The following MYT1 variants were observed in gnomAD, a reference collection of about 807,000 sequenced individuals.
The protein encoded by MYT1 is myelin transcription factor 1.
MYT1 carries 23 observed loss-of-function variants against 123.0 expected under a neutral mutation model. That is an observed-to-expected ratio of 0.19 (90% CI 0.13 to 0.26). The LOEUF (loss-of-function observed/expected upper bound fraction) is 0.26, where lower values mean the gene tolerates loss of function less well. MYT1 is among the 10% of genes least tolerant of loss of function. The pLI, the probability that MYT1 is intolerant of heterozygous loss-of-function variation, is 1.00. For synonymous variants in MYT1, 518 were observed against 575.3 expected (o/e 0.90, Z 1.43); for missense variants, 1,125 against 1,472.5 (o/e 0.76, Z 3.86).
In MYT1 at chr20:64,217,254, A is replaced by T. The variant is rs1983865344; in HGVS notation, c.1819A>T (p.Ser607Cys). The change falls in exon 11 of 23, where the codon AGC (serine) becomes TGC (cysteine). Residue 607 changes from serine to cysteine, a missense_variant. Physicochemically the swap from Ser to Cys is moderately radical, Grantham distance 112 (BLOSUM62 -1). Around this residue, in one of 4 missense-constraint regions of MYT1, gnomAD observed 429 missense variants for 604.1 expected, o/e 0.71. Coordinates refer to ENST00000328439, the MANE Select transcript of MYT1 (RefSeq NM_004535.3). ...CATGCTTGCCCCAAAGATTCAGACCAGCGAAACCTCACCTAAAGCCTTTCA... is the reference window on the plus strand; with the variant it reads ...CATGCTTGCCCCAAAGATTCAGACCTGCGAAACCTCACCTAAAGCCTTTCA... Reference protein sequence around the residue: ...KRMLAPKIQTSETSPKAFQCF... With the variant: ...KRMLAPKIQTCETSPKAFQCF... The T allele has an allele frequency of 6.2e-7, 1 of 1,614,166 alleles. No individual in the cohort carries two copies. The highest frequency in any genetic ancestry group is 1.7e-5 in the Admixed American group (1 of 60,014).
chr20:64,179,311 A>G (rs1405542904), intron 1 of MYT1, among the ~76,000 whole-genome samples: 1 of 152,288 alleles, frequency 6.6e-6, no homozygotes, highest in Non-Finnish European at 1.5e-5. Flanking sequence ...CCCGTGATGC[A>G]GGAACACCTG....
At chr20:64,177,285 CCCTT>C (rs1035892255) in intron 1 of MYT1, among the ~76,000 whole-genome samples, 6 of 152,130 alleles carry the variant, frequency 3.9e-5, no homozygotes, top group African/African-American at 1.4e-4. Flanking sequence ...CCCCACCTCT[CCCTT>C]CTCTCATTTT....
rs763566678 is a variant in MYT1 at position 64,223,117 on chromosome 20, C to T, written c.2403C>T (p.Pro801=). Residue 801 remains proline (P), a synonymous_variant, in exon 15 of 23, where the codon CCC becomes CCT. Coordinates refer to ENST00000328439, the MANE Select transcript of MYT1 (RefSeq NM_004535.3). ...CTCTTTTTCCTTTGTCCAGCTGTCC[C>T]ACCCCTGGCTGTGACGGCAGCGGCC... The part of the protein sequence containing the change: ...KDIKKELLTC[P]TPGCDGSGHI... 2 of 1,614,190 alleles carry T rather than the reference C, an allele frequency of 1.2e-6. No individual in the cohort carries two copies. Among genetic ancestry groups the T allele is most frequent in the Non-Finnish European group, 1.7e-6 (2 of 1,180,034 alleles).
rs1414780457 is a variant in MYT1 at position 64,196,567 on chromosome 20, G to A, written c.1-2295G>A. On this transcript the variant is annotated intron_variant, in intron 2 of 22. Coordinates refer to ENST00000328439, the MANE Select transcript of MYT1 (RefSeq NM_004535.3). The surrounding 1 kb of genome is among the most constrained non-coding windows in gnomAD (Gnocchi z 4.3). ...TACGGGTTCATTCTCGTATTAAAGA[G>A]CCTGGTTTATTTTTTCTTCGGTAGT... Among the ~76,000 whole-genome samples, 1 of 152,220 alleles carries A rather than the reference G, an allele frequency of 6.6e-6. No individual in the cohort carries two copies. Among genetic ancestry groups the A allele is most frequent in the Non-Finnish European group, 1.5e-5 (1 of 68,040 alleles).
Position 64,201,934 on chromosome 20 carries a change from C to T in MYT1, c.86+2012C>T, listed in dbSNP as rs913458916. 3.1e-3 allele frequency among the ~76,000 whole-genome samples: 430 copies of T among 137,050 alleles called. 9 individuals carry two copies. Among genetic ancestry groups the T allele is most frequent in the African/African-American group, 0.011 (401 of 36,090 alleles). 89.9% of individuals were successfully genotyped at this position (137,050 alleles called of 152,430 possible). On this transcript the variant is annotated intron_variant, in intron 4 of 22. Coordinates refer to ENST00000328439, the MANE Select transcript of MYT1 (RefSeq NM_004535.3). ...AACCCCCGCGTGTCGGGAACCCCCG[C>T]GTGTCGGGAACCTCTGCGTGTCGGG... is the stretch of plus-strand genomic sequence containing the variant.
At chr20:64,222,992 C>T in intron 14 of MYT1, 119 bp from the exon 15 acceptor site, 1 of 1,083,702 alleles carries the variant, frequency 9.2e-7, no homozygotes, top group Non-Finnish European at 1.4e-6. Flanking sequence ...GGAGGAGGGG[C>T]CACCGCTTGG....
intron 1 of MYT1, among the ~76,000 whole-genome samples, chr20:64,169,865 A>G (rs1309572671): frequency 6.6e-6 from 1 of 152,196 alleles, no homozygotes; most frequent in East Asian, 1.9e-4. Context: ...CGTGTTCTGT[A>G]CTGGACACTG....
rs1488017547 is a variant in MYT1 at position 64,201,967 on chromosome 20, G to GTGTGT, written c.86+2045_86+2046insTGTGT. ...GAACCTCTGCGTGTCGGGAACCCCC[G>GTGTGT]CGTGTCGGGAACCCCCGCGTGTCGG... On this transcript the variant is annotated intron_variant, in intron 4 of 22. Transcript: ENST00000328439. Among the ~76,000 whole-genome samples the GTGTGT allele has an allele frequency of 6.0e-4, 89 of 148,374 alleles. 1 individual carries two copies. Among genetic ancestry groups the GTGTGT allele is most frequent in the African/African-American group, 2.2e-3 (86 of 39,910 alleles).
chr20:64,237,256 A>G (rs766670557), intron 20 of MYT1, 31 bp from the exon 21 acceptor site: 19 of 1,593,200 alleles, frequency 1.2e-5, no homozygotes, highest in Middle Eastern at 1.7e-4. Flanking sequence ...CTGAGGCCCA[A>G]AGCCACAACT....
At chr20:64,195,333 C>T (rs1166496919) in intron 2 of MYT1, among the ~76,000 whole-genome samples, 12 of 142,828 alleles carry the variant, frequency 8.4e-5, no homozygotes, top group African/African-American at 2.1e-4. Context: ...GGCTGGTCTT[C>T]GTACCATGTC....
At chr20:64,227,866 T>C (rs1219103428) in intron 17 of MYT1, 22 bp from the exon 18 acceptor site, 3 of 1,597,558 alleles carry the variant, frequency 1.9e-6, no homozygotes, top group Non-Finnish European at 2.6e-6. Flanking sequence ...TAAGGTGGCC[T>C]TTTTTCCTCT....
intron 1 of MYT1, among the ~76,000 whole-genome samples, chr20:64,171,373 C>A (rs1328731564): frequency 6.6e-6 from 1 of 152,210 alleles, no homozygotes; most frequent in African/African-American, 2.4e-5. Context: ...GGGAAGCAAT[C>A]CCTAGAAGGC....
intron 20 of MYT1, among the ~76,000 whole-genome samples, 156 bp from the exon 21 acceptor site, chr20:64,237,131 G>A (rs1471289543): frequency 6.6e-6 from 1 of 152,190 alleles, no homozygotes; most frequent in Non-Finnish European, 1.5e-5. Context: ...CATAATGTGG[G>A]GTATGAGCCC....
intron 3 of MYT1, among the ~76,000 whole-genome samples, chr20:64,199,460 C>A (rs1272017430): frequency 6.6e-6 from 1 of 152,224 alleles, no homozygotes; most frequent in East Asian, 1.9e-4. Flanking sequence ...GCAGCCATCA[C>A]TGAAGGACCA....
chr20:64,231,362 G>A lies in MYT1; in HGVS notation c.2676-802G>A, dbSNP rs1294152358. Reference sequence around the variant, plus strand: ...GGACAGACACTCAGAGAGGTCATGGGCCTGGGCCCTCTGCGCTGTCCTGTT... The same window carrying A: ...GGACAGACACTCAGAGAGGTCATGGACCTGGGCCCTCTGCGCTGTCCTGTT... On this transcript the variant is annotated intron_variant, in intron 18 of 22. Transcript: ENST00000328439. The surrounding 1 kb of genome is among the most constrained non-coding windows in gnomAD (Gnocchi z 6.4). 3.3e-5 allele frequency among the ~76,000 whole-genome samples: 5 copies of A among 152,202 alleles called. No homozygotes were observed. The highest frequency in any genetic ancestry group is 1.2e-4 in the African/African-American group (5 of 41,446).
intron 19 of MYT1, among the ~76,000 whole-genome samples, chr20:64,235,076 ATGGTGGGTGACCCTGGGATGGCCG>A (rs1568722315): frequency 1.1e-5 from 1 of 93,950 alleles, no homozygotes; most frequent in Non-Finnish European, 2.1e-5. Flanking sequence ...TGGGATGGTC[ATGGTGGGTGACCCTGGGATGGCCG>A]TGGTGGGTGA....
Position 64,205,094 on chromosome 20 carries a change from G to T in MYT1, c.146G>T (p.Arg49Leu), listed in dbSNP as rs777483854. 1 of 1,613,916 alleles carries T rather than the reference G, an allele frequency of 6.2e-7. No individual in the cohort carries two copies. The highest frequency in any genetic ancestry group is 8.5e-7 in the Non-Finnish European group (1 of 1,180,026). ...GHVRGKYSRH[R>L]SLQSCPLAKK... is the part of the protein sequence containing the mutation. Reference sequence around the variant, plus strand: ...GTCCGGGGCAAGTACTCCAGGCACCGAAGGTAAGAGGACCCTTGGATCTCA... The same window carrying T: ...GTCCGGGGCAAGTACTCCAGGCACCTAAGGTAAGAGGACCCTTGGATCTCA... The change falls in exon 5 of 23, where the codon CGA becomes CTA. Residue 49 changes from arginine (R) to leucine (L), a missense_variant. Coordinates refer to ENST00000328439, the MANE Select transcript of MYT1 (RefSeq NM_004535.3).
rs1368426426 is a variant in MYT1, at chr20:64,240,887, CTG to C, written c.*442_*443del. ...GGAGGACACGCCTGGGGCAGCGTGT[CTG>C]TGCTCAGTGAGGGCCGATGAAGAAA... On this transcript the variant is annotated 3_prime_UTR_variant, in exon 23 of 23. Transcript: ENST00000328439. 3 of 168,338 alleles carry C rather than the reference CTG, an allele frequency of 1.8e-5. No homozygotes were observed. Among genetic ancestry groups the C allele is most frequent in the African/African-American group, 7.2e-5 (3 of 41,862 alleles). 10.4% of individuals were successfully genotyped at this position (168,338 alleles called of 1,614,324 possible).
intron 14 of MYT1, among the ~76,000 whole-genome samples, chr20:64,222,250 C>T (rs757482657): frequency 6.6e-6 from 1 of 152,224 alleles, no homozygotes; most frequent in East Asian, 1.9e-4. Flanking sequence ...GGCTTTACTG[C>T]AATCTTCTAA....
Sources: allele counts gnomAD v4.1 joint callset (sites outside exome capture counted in the v4.1 genomes callset), GRCh38; gene constraint gnomAD v4.1.1; regional missense constraint gnomAD v4.1.1; non-coding constraint Gnocchi (gnomAD v3.1); transcripts MANE v1.5; gene names NCBI Gene and HGNC (gene_info 2026-07-23, HGNC 2026-07-21).